The following DACH2 variants were observed in gnomAD, a reference collection of about 807,000 sequenced individuals.
DACH2 encodes dachshund family transcription factor 2, also known as dachshund homolog 2.
DACH2 carries 17 observed loss-of-function variants against 35.8 expected under a neutral mutation model. The ratio of observed to expected loss-of-function variants is 0.48; its 90% CI spans 0.33 to 0.71. DACH2 has a LOEUF of 0.71. DACH2 is among the 30% of genes least tolerant of loss of function. The probability of loss-of-function intolerance (pLI) is 0.02; values close to 1 mark genes in which losing one functional copy is unlikely to be tolerated. For missense variants in DACH2, 469 were observed against 472.7 expected (o/e 0.99, Z 0.07); for synonymous variants, 195 against 177.3 (o/e 1.10, Z -0.79).
At chrX:86,720,705 G>A (rs2041395348) in intron 6 of DACH2, among the ~76,000 whole-genome samples, 1 of 112,099 alleles carries the variant, frequency 8.9e-6, no homozygotes, top group South Asian at 3.7e-4. Flanking sequence ...CCATGGTCTG[G>A]AAAACAGTGG....
chrX:86,455,845 G>A (rs1240011676), intron 2 of DACH2, among the ~76,000 whole-genome samples: 1 of 112,203 alleles, frequency 8.9e-6, no homozygotes, highest in East Asian at 2.8e-4. Context: ...CCTTTCTAGG[G>A]ATATCTACAG....
In DACH2 at chrX:86,173,890, T is replaced by C. The variant is rs776070389; in HGVS notation, c.488+24782T>C. ...AGAGAGATGGCAATGGCTTAGACCA[T>C]AGTGGTAGAGTAGAGGTGATAACAA... is the stretch of plus-strand genomic sequence containing the variant. On this transcript the variant is annotated intron_variant, in intron 1 of 11. Coordinates refer to ENST00000373125, the MANE Select transcript of DACH2 (RefSeq NM_053281.3). Among the ~76,000 whole-genome samples, 11 of 111,372 alleles carry C rather than the reference T, an allele frequency of 9.9e-5. No individual in the cohort carries two copies. The South Asian group carries it at 2.3e-3, about 23-fold the overall frequency.
chrX:86,327,821 C>G (rs1453395004), intron 1 of DACH2, among the ~76,000 whole-genome samples: 2 of 111,667 alleles, frequency 1.8e-5, no homozygotes, highest in Non-Finnish European at 3.8e-5. Context: ...CGTGGCATAT[C>G]AAGCTTATTC....
chrX:86,769,430 G>C (rs2041965852), intron 7 of DACH2, among the ~76,000 whole-genome samples: 1 of 112,065 alleles, frequency 8.9e-6, no homozygotes, highest in Non-Finnish European at 1.9e-5. Flanking sequence ...TGCAGAATTA[G>C]AAAAAGCTAT....
chrX:86,317,466 A>T (rs184334133), intron 1 of DACH2, among the ~76,000 whole-genome samples: 13 of 112,436 alleles, frequency 1.2e-4, no homozygotes, highest in African/African-American at 3.9e-4. Context: ...AGGAATAAGC[A>T]TGGTTAGTTT....
chrX:86,775,011 G>A (rs892160868), intron 7 of DACH2, among the ~76,000 whole-genome samples: 12 of 111,370 alleles, frequency 1.1e-4, no homozygotes, highest in African/African-American at 2.9e-4. Context: ...AATGTAAAGA[G>A]GTTAAAGACA....
rs189463805 is a variant in DACH2, at chrX:86,491,797, A to G, written c.528-22482A>G. Among the ~76,000 whole-genome samples, 371 of 111,847 alleles carry G rather than the reference A, an allele frequency of 3.3e-3. 1 individual carries two copies. Among genetic ancestry groups the G allele is most frequent in the Non-Finnish European group, 4.9e-3 (258 of 53,048 alleles). ...ACTGAGTTCTAGCTTTTACTCTGCT[A>G]CTTACCTGCTGGGTGACCTTTAACT... On this transcript the variant is annotated intron_variant, in intron 2 of 11. Coordinates refer to ENST00000373125, the MANE Select transcript of DACH2 (RefSeq NM_053281.3).
At chrX:86,573,286 T>C (rs17325466) in intron 3 of DACH2, among the ~76,000 whole-genome samples, 9,796 of 110,789 alleles carry the variant, frequency 0.088, 379 homozygotes, top group East Asian at 0.24. Flanking sequence ...GTAGTTTTAA[T>C]TGGAGACAAG....
rs764304060 is a variant in DACH2, at chrX:86,161,137, C to A, written c.488+12029C>A. On this transcript the variant is annotated intron_variant, in intron 1 of 11. Coordinates refer to ENST00000373125, the MANE Select transcript of DACH2 (RefSeq NM_053281.3). Reference sequence around the variant, plus strand: ...ATTTTCTTAATGTAAGTGCTGACTTCCTTAACGATTTCCTCATATCTCTTC... The same window carrying A: ...ATTTTCTTAATGTAAGTGCTGACTTACTTAACGATTTCCTCATATCTCTTC... 5.7e-4 allele frequency: 643 copies of A among 1,135,096 alleles called. 3 individuals carry two copies. In the South Asian group the frequency reaches 0.011, roughly 19 times the overall value. The allele number at this position is 1,135,096 out of a possible 1,213,427, so 93.5% of individuals were successfully genotyped here.
At chrX:86,623,140 C>T (rs1204697895) in intron 3 of DACH2, among the ~76,000 whole-genome samples, 1 of 111,984 alleles carries the variant, frequency 8.9e-6, no homozygotes, top group Non-Finnish European at 1.9e-5. Context: ...TAGCAGACTT[C>T]ACAGCCTTTC....
intron 1 of DACH2, among the ~76,000 whole-genome samples, chrX:86,164,019 G>A (rs1291642698): frequency 2.7e-5 from 3 of 111,796 alleles, no homozygotes; most frequent in Non-Finnish European, 5.7e-5. Flanking sequence ...TTACACAATG[G>A]TTGAACTAAT....
intron 2 of DACH2, among the ~76,000 whole-genome samples, chrX:86,396,189 T>C (rs1176057510): frequency 9.0e-6 from 1 of 111,591 alleles, no homozygotes; most frequent in Admixed American, 9.5e-5. Context: ...ATGTCTTCTT[T>C]TGAGAAGTGT....
intron 1 of DACH2, among the ~76,000 whole-genome samples, chrX:86,169,371 T>C (rs950151807): frequency 6.3e-5 from 7 of 111,515 alleles, no homozygotes; most frequent in Non-Finnish European, 1.3e-4. Context: ...GAGATAGTCT[T>C]CTTTGTGTTA....
At chrX:86,270,811 A>G (rs955216260) in intron 1 of DACH2, among the ~76,000 whole-genome samples, 3 of 112,265 alleles carry the variant, frequency 2.7e-5, no homozygotes, top group African/African-American at 9.7e-5. Context: ...CATAGTATAC[A>G]GATTGCATCT....
intron 2 of DACH2, among the ~76,000 whole-genome samples, chrX:86,416,950 C>T (rs1034800456): frequency 1.8e-5 from 2 of 108,921 alleles, no homozygotes; most frequent in African/African-American, 3.4e-5. Context: ...AAAAATTAGC[C>T]AAGTGTGGTC....
intron 1 of DACH2, among the ~76,000 whole-genome samples, chrX:86,249,585 A>T (rs2033358923): frequency 9.0e-6 from 1 of 111,652 alleles, no homozygotes; most frequent in Non-Finnish European, 1.9e-5. Context: ...AAAATGGAAC[A>T]CTTATACACT....
chrX:86,291,571 T>C (rs1250041270), intron 1 of DACH2, among the ~76,000 whole-genome samples: 3 of 108,709 alleles, frequency 2.8e-5, no homozygotes, highest in Non-Finnish European at 5.7e-5. Context: ...TTGTCATAGA[T>C]AGCTCTTATT....
At chrX:86,244,972 C>T (rs1423519100) in intron 1 of DACH2, among the ~76,000 whole-genome samples, 4 of 111,384 alleles carry the variant, frequency 3.6e-5, no homozygotes, top group African/African-American at 1.3e-4. Context: ...GATATGCAGT[C>T]TTTATTATTT....
chrX:86,515,507 G>A (rs1484124258), intron 3 of DACH2, among the ~76,000 whole-genome samples: 1 of 110,966 alleles, frequency 9.0e-6, no homozygotes, highest in African/African-American at 3.3e-5. Context: ...AGAGCTTTAA[G>A]GTAGAAGACT....
Sources: gnomAD v4.1 joint callset for allele counts (sites outside exome capture counted in the v4.1 genomes callset) on GRCh38, gnomAD v4.1.1 for gene constraint, MANE v1.5 for transcripts, NCBI Gene and HGNC (gene_info 2026-07-23, HGNC 2026-07-21) for gene names.